Variants in DYNC1I1 observed in about 807,000 individuals in gnomAD.
DYNC1I1 encodes cytoplasmic dynein 1 intermediate chain 1.
Under a neutral mutation model 86.6 loss-of-function variants are expected in DYNC1I1, and 43 were observed. That is an observed-to-expected ratio of 0.50 (90% CI 0.39 to 0.64). DYNC1I1 has a LOEUF of 0.64. Among genes scored for constraint, DYNC1I1 ranks in the 30% least tolerant of loss-of-function variants. The pLI, the probability that DYNC1I1 is intolerant of heterozygous loss-of-function variation, is 0.00. For synonymous variants in DYNC1I1, 262 were observed against 283.7 expected (o/e 0.92, Z 0.77); for missense variants, 604 against 788.8 (o/e 0.77, Z 2.81).
chr7:96,043,600 T>C (rs1789122712), intron 14 of DYNC1I1, among the ~76,000 whole-genome samples: 1 of 150,866 alleles, frequency 6.6e-6, no homozygotes, highest in African/African-American at 2.4e-5. Flanking sequence ...AAAATATGGA[T>C]CTTACATAGA....
intron 6 of DYNC1I1, among the ~76,000 whole-genome samples, chr7:95,954,915 C>CAAAAAAAAA (rs58435060): frequency 0.014 from 1,113 of 81,786 alleles, 55 homozygotes; most frequent in African/African-American, 0.041. Flanking sequence ...GACTCTGTCT[C>CAAAAAAAAA]AAAAAAAAAA....
chr7:95,953,956 G>A (rs1792629516), intron 6 of DYNC1I1, among the ~76,000 whole-genome samples: 1 of 152,098 alleles, frequency 6.6e-6, no homozygotes, highest in African/African-American at 2.4e-5. Flanking sequence ...ACTGTCTTGA[G>A]AGAAACAGAG....
chr7:95,943,467 C>T (rs1792298667), intron 6 of DYNC1I1, among the ~76,000 whole-genome samples: 2 of 145,054 alleles, frequency 1.4e-5, no homozygotes, highest in Admixed American at 7.1e-5. Flanking sequence ...TTTATAGATT[C>T]AATGCCATCC....
chr7:96,032,115 T>C (rs896396246), intron 11 of DYNC1I1, among the ~76,000 whole-genome samples: 2 of 152,148 alleles, frequency 1.3e-5, no homozygotes, highest in African/African-American at 4.8e-5. Context: ...CCAGGTACAT[T>C]GTGCCAATAA....
chr7:96,054,350 T>C (rs1584282598), intron 14 of DYNC1I1, among the ~76,000 whole-genome samples: 1 of 152,230 alleles, frequency 6.6e-6, no homozygotes, highest in South Asian at 2.1e-4. Context: ...TATTCCATGG[T>C]GTATATGTGC....
At chr7:95,966,031 A>G (rs1793003913) in intron 6 of DYNC1I1, among the ~76,000 whole-genome samples, 1 of 152,120 alleles carries the variant, frequency 6.6e-6, no homozygotes, top group South Asian at 2.1e-4. Flanking sequence ...AATCCAGTAG[A>G]GGAGAGGAGT....
At chr7:95,889,278 A>C (rs1254062429) in intron 6 of DYNC1I1, among the ~76,000 whole-genome samples, 1 of 152,194 alleles carries the variant, frequency 6.6e-6, no homozygotes, top group Admixed American at 6.5e-5. Context: ...GTGATTACTC[A>C]CGTTTTTAAA....
At chr7:95,848,208 G>GTT (rs55696943) in intron 5 of DYNC1I1, among the ~76,000 whole-genome samples, 159 of 138,788 alleles carry the variant, frequency 1.1e-3, no homozygotes, top group Admixed American at 3.0e-3. Context: ...ACTTACAGTT[G>GTT]TTTTTTTTTT....
intron 6 of DYNC1I1, among the ~76,000 whole-genome samples, chr7:95,966,328 A>G (rs377345542): frequency 4.0e-4 from 61 of 152,342 alleles, no homozygotes; most frequent in African/African-American, 1.4e-3. Context: ...TACTGATAGT[A>G]CAAAGAAAAA....
chr7:95,909,236 A>AG (rs1476037005), intron 6 of DYNC1I1, among the ~76,000 whole-genome samples: 20 of 3,736 alleles, frequency 5.4e-3, no homozygotes, highest in South Asian at 0.017. Context: ...GGAGGGTGGG[A>AG]GGGGGGTGGG....
intron 10 of DYNC1I1, among the ~76,000 whole-genome samples, chr7:96,003,007 C>A (rs1372999442): frequency 6.6e-6 from 1 of 152,054 alleles, no homozygotes; most frequent in African/African-American, 2.4e-5. Context: ...CCACGCCCAG[C>A]AAAGTTTTGT....
intron 16 of DYNC1I1, among the ~76,000 whole-genome samples, chr7:96,081,336 A>G (rs1353680104): frequency 2.0e-5 from 3 of 151,884 alleles, no homozygotes; most frequent in South Asian, 2.1e-4. Context: ...AAAGGAAAAA[A>G]AAAAACAACT....
chr7:95,856,826 A>G (rs567632786), intron 5 of DYNC1I1, among the ~76,000 whole-genome samples: 1 of 152,164 alleles, frequency 6.6e-6, no homozygotes, highest in African/African-American at 2.4e-5. Flanking sequence ...TAAAAATACA[A>G]AAATTAGCAG....
At chr7:96,003,774 G>C (rs1260219822) in intron 10 of DYNC1I1, among the ~76,000 whole-genome samples, 4 of 152,034 alleles carry the variant, frequency 2.6e-5, no homozygotes, top group African/African-American at 4.8e-5. Flanking sequence ...CCACCCCCGA[G>C]AGGGATACTT....
chr7:96,057,187 T>G (rs1175804791), intron 14 of DYNC1I1, among the ~76,000 whole-genome samples: 1 of 152,118 alleles, frequency 6.6e-6, no homozygotes, highest in Non-Finnish European at 1.5e-5. Context: ...AGTTTCTGGG[T>G]TTTGACTGGA....
intron 10 of DYNC1I1, 71 bp downstream of exon 10, chr7:95,996,144 C>G: frequency 6.3e-7 from 1 of 1,579,854 alleles, no homozygotes; most frequent in Non-Finnish European, 8.6e-7. Context: ...TGCATTGCAT[C>G]TGTCTTATGC....
At chr7:95,949,485 T>C (rs1792495324) in intron 6 of DYNC1I1, among the ~76,000 whole-genome samples, 1 of 152,252 alleles carries the variant, frequency 6.6e-6, no homozygotes, top group Admixed American at 6.5e-5. Flanking sequence ...TCAGTGACCA[T>C]TAACTTAAGC....
At chr7:96,092,909 A>G (rs1377688607) in intron 16 of DYNC1I1, among the ~76,000 whole-genome samples, 1 of 152,116 alleles carries the variant, frequency 6.6e-6, no homozygotes, top group Admixed American at 6.5e-5. Context: ...CCCTTCTGTC[A>G]TGGAATGCTG....
intron 4 of DYNC1I1, among the ~76,000 whole-genome samples, chr7:95,813,809 C>T (rs1794887395): frequency 6.6e-6 from 1 of 152,014 alleles, no homozygotes. Context: ...ACTCAGTCAC[C>T]TAAGTATTTT....
Sources: allele counts gnomAD v4.1 joint callset (sites outside exome capture counted in the v4.1 genomes callset), GRCh38; gene constraint gnomAD v4.1.1; transcripts MANE v1.5; gene names NCBI Gene and HGNC (gene_info 2026-07-23, HGNC 2026-07-21).